Variants in DAP3 observed in about 807,000 individuals in gnomAD.
DAP3 encodes small ribosomal subunit protein mS29.
DAP3 carries 28 observed loss-of-function variants against 51.9 expected under a neutral mutation model. That is an observed-to-expected ratio of 0.54 (90% CI 0.40 to 0.74). DAP3 has a LOEUF of 0.74. DAP3 is among the 30% of genes least tolerant of loss of function. The probability of loss-of-function intolerance (pLI) is 0.00; values close to 1 mark genes in which losing one functional copy is unlikely to be tolerated. For synonymous variants in DAP3, 170 were observed against 170.3 expected (o/e 1.00, Z 0.01); for missense variants, 458 against 483.5 (o/e 0.95, Z 0.49).
At chr1:155,722,945 C>G (rs1658167512) in intron 4 of DAP3, among the ~76,000 whole-genome samples, 1 of 152,190 alleles carries the variant, frequency 6.6e-6, no homozygotes, top group Admixed American at 6.5e-5. Context: ...AAGTTGTTTT[C>G]AGACTGGCTT....
chr1:155,689,340 G>C (rs1653328618), intron 1 of DAP3, 166 bp downstream of exon 1: 1 of 564,302 alleles, frequency 1.8e-6, no homozygotes, highest in African/African-American at 1.9e-5. Context: ...CGGCGTGGTG[G>C]TGTGCTTTTT....
At chr1:155,698,082 T>C (rs1654755125) in intron 1 of DAP3, among the ~76,000 whole-genome samples, 1 of 152,206 alleles carries the variant, frequency 6.6e-6, no homozygotes. Context: ...AAATCGTTGT[T>C]ATCCTGTTCT....
chr1:155,727,639 T>C lies in DAP3; in HGVS notation c.504T>C (p.Leu168=), dbSNP rs764390353. 5 of 1,613,280 alleles carry C rather than the reference T, an allele frequency of 3.1e-6. No individual in the cohort carries two copies. In the Admixed American group the frequency reaches 8.4e-5, roughly 27 times the overall value. The stretch of plus-strand genomic sequence containing the variant: ...TTTGGGTGAAAAATTGTCGGGATCT[T>C]CTGCAGTCCAGCTACAACAAACAGC... The part of the protein sequence containing the change: ...AHLWVKNCRD[L]LQSSYNKQRF... Residue 168 remains leucine, a synonymous_variant, in exon 7 of 13, where the codon CTT becomes CTC. Transcript: ENST00000368336.
chr1:155,709,730 C>T, intron 1 of DAP3, 43 bp from the exon 2 acceptor site: 2 of 1,573,198 alleles, frequency 1.3e-6, no homozygotes, highest in South Asian at 1.1e-5. Flanking sequence ...ACATCTTTTC[C>T]CATTTGTGGT....
chr1:155,703,613 C>T (rs1054445405), intron 1 of DAP3, among the ~76,000 whole-genome samples: 1 of 152,314 alleles, frequency 6.6e-6, no homozygotes, highest in Non-Finnish European at 1.5e-5. Context: ...ACTTGGCTCA[C>T]GGCAACCTCT....
chr1:155,722,095 A>G (rs757357675), intron 4 of DAP3: 11 of 173,166 alleles, frequency 6.4e-5, no homozygotes, highest in Non-Finnish European at 1.4e-4. Flanking sequence ...ATTTCGGGAA[A>G]TTAGATGAAT....
intron 3 of DAP3, among the ~76,000 whole-genome samples, chr1:155,718,547 C>T (rs1657592015): frequency 6.6e-6 from 1 of 150,968 alleles, no homozygotes; most frequent in Admixed American, 6.6e-5. Flanking sequence ...ATTAGTTGAG[C>T]ATGGTGGCGG....
At chr1:155,716,289 C>T (rs1237061822) in intron 2 of DAP3, among the ~76,000 whole-genome samples, 4 of 152,102 alleles carry the variant, frequency 2.6e-5, no homozygotes, top group Admixed American at 6.6e-5. Flanking sequence ...TTGCCGGGCG[C>T]GGTGGCTCAC....
chr1:155,707,540 A>T (rs184672590), intron 1 of DAP3, among the ~76,000 whole-genome samples: 8 of 152,320 alleles, frequency 5.3e-5, no homozygotes, highest in Admixed American at 3.3e-4. Flanking sequence ...GCTCCAAAAG[A>T]TTCGGGCTTT....
At chr1:155,708,540 GTTTT>G (rs151238139) in intron 1 of DAP3, among the ~76,000 whole-genome samples, 5 of 103,258 alleles carry the variant, frequency 4.8e-5, no homozygotes, top group South Asian at 3.0e-4. Context: ...TTCTGTTTTT[GTTTT>G]TTTTTTTTTT....
rs1298460872 is a variant in DAP3, at chr1:155,693,295, G to A, written c.-8+4121G>A. ...AGGCTTGACACAGCTCTGAATGGGC[G>A]CCATTCGGTTGGAAGAAAACTGATA... is the stretch of plus-strand genomic sequence containing the variant. On this transcript the variant is annotated intron_variant, in intron 1 of 12. Transcript: ENST00000368336. Among the ~76,000 whole-genome samples the A allele has an allele frequency of 3.5e-5, 5 of 141,832 alleles. 1 individual carries two copies. The highest frequency in any genetic ancestry group is 9.6e-5 in the African/African-American group (3 of 31,364). The allele number at this position is 141,832 out of a possible 152,430, so 93.0% of individuals were successfully genotyped here.
rs528493755 is a variant in DAP3, at chr1:155,735,336, G to A, written c.994-1610G>A. On this transcript the variant is annotated intron_variant, in intron 11 of 12. Coordinates refer to ENST00000368336, the MANE Select transcript of DAP3 (RefSeq NM_004632.4). ...CACGCCTATAATCCCTGCACTTTGG[G>A]AGGCCAGGGCGGGCGGATCACCTGA... is the stretch of plus-strand genomic sequence containing the variant. Among the ~76,000 whole-genome samples, 174 of 152,048 alleles carry A rather than the reference G, an allele frequency of 1.1e-3. 1 individual carries two copies. Among genetic ancestry groups the A allele is most frequent in the African/African-American group, 4.0e-3 (165 of 41,532 alleles).
intron 12 of DAP3, among the ~76,000 whole-genome samples, chr1:155,737,560 A>T (rs1341225783): frequency 6.6e-6 from 1 of 152,124 alleles, no homozygotes; most frequent in Non-Finnish European, 1.5e-5. Flanking sequence ...CTTGCCCTTG[A>T]CCTCACATTT....
At chr1:155,698,723 A>G (rs1403926791) in intron 1 of DAP3, among the ~76,000 whole-genome samples, 1 of 152,236 alleles carries the variant, frequency 6.6e-6, no homozygotes. Context: ...CCACAGCATA[A>G]AACAAATCCA....
At chr1:155,720,672 C>A (rs1657888265) in intron 3 of DAP3, among the ~76,000 whole-genome samples, 1 of 151,278 alleles carries the variant, frequency 6.6e-6, no homozygotes, top group Non-Finnish European at 1.5e-5. Flanking sequence ...AACAAACAAA[C>A]CAAAAAAAAC....
chr1:155,729,393 G>A, intron 9 of DAP3, 27 bp downstream of exon 9: 1 of 1,609,802 alleles, frequency 6.2e-7, no homozygotes, highest in South Asian at 1.1e-5. Flanking sequence ...TCTCTATCTT[G>A]TTTCTCTGAT....
chr1:155,700,683 G>A (rs1258029515), intron 1 of DAP3, among the ~76,000 whole-genome samples: 5 of 143,310 alleles, frequency 3.5e-5, no homozygotes, highest in South Asian at 2.2e-4. Flanking sequence ...CACCCCGTCC[G>A]GGAGGGAGAT....
In DAP3 at chr1:155,693,991, C is replaced by T. The variant is rs147366314; in HGVS notation, c.-8+4817C>T. ...AAAAAGAAAGAAAAAAAAAGAGATA[C>T]AATCCTTTCAAATCAATATTTCTAA... is the stretch of plus-strand genomic sequence containing the variant. On this transcript the variant is annotated intron_variant, in intron 1 of 12. Transcript: ENST00000368336. 2.1e-5 allele frequency among the ~76,000 whole-genome samples: 3 copies of T among 141,540 alleles called. 1 individual carries two copies. The highest frequency in any genetic ancestry group is 9.6e-5 in the African/African-American group (3 of 31,106). 92.9% of individuals were successfully genotyped at this position (141,540 alleles called of 152,430 possible). A position where few individuals can be genotyped will look rare whatever the true frequency, so the allele number is the denominator to read the frequency against.
At chr1:155,695,622 AT>A (rs1654421002) in intron 1 of DAP3, among the ~76,000 whole-genome samples, 1 of 152,256 alleles carries the variant, frequency 6.6e-6, no homozygotes, top group Non-Finnish European at 1.5e-5. Flanking sequence ...GAGTTGAACA[AT>A]TGATAAAGCT....
Sources: gnomAD v4.1 joint callset for allele counts (sites outside exome capture counted in the v4.1 genomes callset) on GRCh38, gnomAD v4.1.1 for gene constraint, MANE v1.5 for transcripts, NCBI Gene and HGNC (gene_info 2026-07-23, HGNC 2026-07-21) for gene names.